The following PCOLCE variants were observed in gnomAD, a reference collection of about 807,000 sequenced individuals.
The protein encoded by PCOLCE is procollagen C-endopeptidase enhancer 1.
PCOLCE carries 33 observed loss-of-function variants against 47.2 expected under a neutral mutation model. The ratio of observed to expected loss-of-function variants is 0.70; its 90% CI spans 0.53 to 0.93. The LOEUF is 0.93. PCOLCE is among the 40% of genes least tolerant of loss of function. The pLI, the probability that PCOLCE is intolerant of heterozygous loss-of-function variation, is 0.00. For missense variants in PCOLCE, 584 were observed against 585.3 expected, an observed-to-expected ratio of 1.00 and a Z score of 0.02; for synonymous variants, 254 against 252.5, an observed-to-expected ratio of 1.01 and a Z score of -0.06.
At position 100,602,381 on chromosome 7, in the gene PCOLCE, G is replaced by A. The variant is rs1213116479; in HGVS notation, c.-76G>A. 3.1e-6 allele frequency: 3 copies of A among 965,334 alleles called. No individual in the cohort carries two copies. The highest frequency in any genetic ancestry group is 2.6e-5 in the South Asian group (2 of 78,134). 59.8% of individuals were successfully genotyped at this position (965,334 alleles called of 1,614,324 possible). ...TGGCGCTGATTATCCTGCTGCTGCC[G>A]CCACCGCTGCTGCTGCTCTGCAAAA... On this transcript the variant is annotated 5_prime_UTR_variant, in exon 1 of 9. Coordinates refer to ENST00000223061, the MANE Select transcript of PCOLCE (RefSeq NM_002593.4).
chr7:100,606,351 G>A (rs1802715193), intron 5 of PCOLCE, 65 bp from the exon 6 acceptor site: 1 of 1,167,720 alleles, frequency 8.6e-7, no homozygotes, highest in Non-Finnish European at 1.3e-6. Flanking sequence ...AAGGTCATGG[G>A]GCTGAGAAGA....
At position 100,604,569 on chromosome 7, in the gene PCOLCE, G is replaced by A; in HGVS notation, c.463+352G>A. 2.4e-6 allele frequency: 1 copy of A among 413,536 alleles called. No individual in the cohort carries two copies. The highest frequency in any genetic ancestry group is 2.1e-5 in the South Asian group (1 of 47,204). The allele number at this position is 413,536 out of a possible 1,614,324, so 25.6% of individuals were successfully genotyped here. On this transcript the variant is annotated intron_variant, in intron 3 of 8. Coordinates refer to ENST00000223061, the MANE Select transcript of PCOLCE (RefSeq NM_002593.4). The surrounding 1 kb of genome is among the most constrained non-coding windows in gnomAD (Gnocchi z 6.4). ...GTCGGGCGCGAGGGGGCACCCCAGG[G>A]CTGGGGGGACTAGGTTCCTCCAACC...
rs924967319 is a variant in PCOLCE, at chr7:100,604,055, T to G, written c.301T>G (p.Ser101Ala). The G allele has an allele frequency of 3.7e-6, 6 of 1,608,442 alleles. No homozygotes were observed. Among genetic ancestry groups the G allele is most frequent in the Non-Finnish European group, 5.1e-6 (6 of 1,179,990 alleles). ...CGATGCTCTGGAGGTCTTCGCTGGG[T>G]CTGGGACTTCCGGCCAGCGGCTCGG... The part of the protein sequence containing the change: ...RYDALEVFAG[S>A]GTSGQRLGRF... The change falls in exon 3 of 9, where the codon TCT becomes GCT. Residue 101 changes from serine (S) to alanine (A), a missense_variant. Transcript: ENST00000223061. The surrounding 1 kb of genome is among the most constrained non-coding windows in gnomAD (Gnocchi z 6.4).
In PCOLCE at chr7:100,604,213, C is replaced by T; in HGVS notation, c.459C>T (p.Gly153=). Residue 153 remains glycine (G), a synonymous_variant, in exon 3 of 9, where the codon GGC becomes GGT. Transcript: ENST00000223061. This position sits in a 1 kb window ranked among gnomAD's most constrained non-coding sequence, Gnocchi z 6.4. The part of the protein sequence containing the change: ...LLWYSGRATS[G]TEHQFCGGRL... Reference sequence around the variant, plus strand: ...GGTACAGCGGGCGGGCCACCTCGGGCACTGGTGAGAACTCCCTCACCTCCG... The same window carrying T: ...GGTACAGCGGGCGGGCCACCTCGGGTACTGGTGAGAACTCCCTCACCTCCG... The T allele has an allele frequency of 1.2e-6, 2 of 1,610,504 alleles. 1 individual carries two copies. The highest frequency in any genetic ancestry group is 4.5e-5 in the East Asian group (2 of 44,862).
chr7:100,603,290 C>A, intron 1 of PCOLCE, 140 bp from the exon 2 acceptor site: 1 of 547,860 alleles, frequency 1.8e-6, no homozygotes, highest in Non-Finnish European at 3.3e-6. Context: ...GGAAGCTGCC[C>A]CAGGTCTCTC....
chr7:100,605,838 C>G lies in PCOLCE; in HGVS notation c.725+26C>G, dbSNP rs550835380. 2 of 1,545,490 alleles carry G rather than the reference C, an allele frequency of 1.3e-6. No homozygotes were observed. Among genetic ancestry groups the G allele is most frequent in the South Asian group, 2.4e-5 (2 of 83,856 alleles). ...GTGAGGGGCGGGACCTGGGCGAGTC[C>G]GGGAGAGAGTCGGCGGACCGCACGC... On this transcript the variant is annotated intron_variant, in intron 5 of 8. Transcript: ENST00000223061. This position sits in a 1 kb window ranked among gnomAD's most constrained non-coding sequence, Gnocchi z 6.1.
chr7:100,603,615 C>A (rs535402947), intron 2 of PCOLCE, 77 bp downstream of exon 2: 10 of 638,072 alleles, frequency 1.6e-5, no homozygotes, highest in African/African-American at 9.5e-5. Context: ...GGACCCCCCC[C>A]CCGTCCCCCC....
In PCOLCE at chr7:100,604,544, G is replaced by A; in HGVS notation, c.463+327G>A. 2.2e-6 allele frequency: 1 copy of A among 448,450 alleles called. No homozygotes were observed. The allele number at this position is 448,450 out of a possible 1,614,324, so 27.8% of individuals were successfully genotyped here. On this transcript the variant is annotated intron_variant, in intron 3 of 8. Transcript: ENST00000223061. The surrounding 1 kb of genome is among the most constrained non-coding windows in gnomAD (Gnocchi z 6.4). Reference sequence around the variant, plus strand: ...CCCCGTCCGCAATCGGGCTCCCTCCGTCGGGCGCGAGGGGGCACCCCAGGG... The same window carrying A: ...CCCCGTCCGCAATCGGGCTCCCTCCATCGGGCGCGAGGGGGCACCCCAGGG...
rs759378880 is a variant in PCOLCE at position 100,606,584 on chromosome 7, C to G, written c.894C>G (p.Pro298=). Residue 298 remains proline, a synonymous_variant, in exon 6 of 9, where the codon CCC becomes CCG. Transcript: ENST00000223061. ...RGTEPKVKLP[P]KSQPPEKTEE... is the part of the protein sequence containing the mutation. ...CTGAGCCTAAAGTCAAGCTGCCCCC[C>G]AAGTCCCAACCTCCGGAGAAAACAG... is the stretch of plus-strand genomic sequence containing the variant. 1 of 1,613,844 alleles carries G rather than the reference C, an allele frequency of 6.2e-7. No homozygotes were observed. Among genetic ancestry groups the G allele is most frequent in the South Asian group, 1.1e-5 (1 of 91,068 alleles).
At chr7:100,603,007 C>A in intron 1 of PCOLCE, 1 of 242,164 alleles carries the variant, frequency 4.1e-6, no homozygotes, top group Non-Finnish European at 7.9e-6. Flanking sequence ...AATCAGAGGG[C>A]CATCGCCACT....
In PCOLCE at chr7:100,603,414, C is replaced by T. The variant is rs192208025; in HGVS notation, c.96-16C>T. The T allele has an allele frequency of 6.7e-7, 1 of 1,492,114 alleles. No individual in the cohort carries two copies. Among genetic ancestry groups the T allele is most frequent in the South Asian group, 1.2e-5 (1 of 86,922 alleles). 92.4% of individuals were successfully genotyped at this position (1,492,114 alleles called of 1,614,324 possible). A position where few individuals can be genotyped will look rare whatever the true frequency, so the allele number is the denominator to read the frequency against. ...ACCCGTCCCTGCTCTTTCCTGACCCCTTTTCTGTTCTCCAGACCCGTGTTC... is the reference window on the plus strand; with the variant it reads ...ACCCGTCCCTGCTCTTTCCTGACCCTTTTTCTGTTCTCCAGACCCGTGTTC... On this transcript the variant is annotated splice_polypyrimidine_tract_variant and intron_variant, in intron 1 of 8. Transcript: ENST00000223061.
chr7:100,604,067 G>C lies in PCOLCE; in HGVS notation c.313G>C (p.Gly105Arg). 2 of 1,609,232 alleles carry C rather than the reference G, an allele frequency of 1.2e-6. No homozygotes were observed. The highest frequency in any genetic ancestry group is 1.7e-6 in the Non-Finnish European group (2 of 1,179,996). Residue 105 changes from glycine to arginine, a missense_variant, in exon 3 of 9, where the codon GGC (glycine) becomes CGC (arginine). Coordinates refer to ENST00000223061, the MANE Select transcript of PCOLCE (RefSeq NM_002593.4). This position sits in a 1 kb window ranked among gnomAD's most constrained non-coding sequence, Gnocchi z 6.4. The stretch of plus-strand genomic sequence containing the variant: ...GGTCTTCGCTGGGTCTGGGACTTCC[G>C]GCCAGCGGCTCGGACGCTTTTGTGG... ...LEVFAGSGTS[G>R]QRLGRFCGTF... is the part of the protein sequence containing the mutation.
At position 100,604,233 on chromosome 7, in the gene PCOLCE, C is replaced by A; in HGVS notation, c.463+16C>A. Reference sequence around the variant, plus strand: ...TCGGGCACTGGTGAGAACTCCCTCACCTCCGCCTTCCCCCCCTCCAGGCCC... The same window carrying A: ...TCGGGCACTGGTGAGAACTCCCTCAACTCCGCCTTCCCCCCCTCCAGGCCC... On this transcript the variant is annotated intron_variant, in intron 3 of 8. Transcript: ENST00000223061. The surrounding 1 kb of genome is among the most constrained non-coding windows in gnomAD (Gnocchi z 6.4). 6.2e-7 allele frequency: 1 copy of A among 1,600,930 alleles called. No individual in the cohort carries two copies.
Position 100,605,878 on chromosome 7 carries a change from A to AG in PCOLCE, c.725+70dup. On this transcript the variant is annotated intron_variant, in intron 5 of 8. Transcript: ENST00000223061. This position sits in a 1 kb window ranked among gnomAD's most constrained non-coding sequence, Gnocchi z 6.1. The stretch of plus-strand genomic sequence containing the variant: ...GGACCGCACGCACGCGGCTGTTTGG[A>AG]GGGGCGGGGTTCAGCTAAAGGGACG... 1 of 1,505,174 alleles carries AG rather than the reference A, an allele frequency of 6.6e-7. No homozygotes were observed. Among genetic ancestry groups the AG allele is most frequent in the Non-Finnish European group, 9.0e-7 (1 of 1,112,768 alleles). The allele number at this position is 1,505,174 out of a possible 1,614,324, so 93.2% of individuals were successfully genotyped here. A position where few individuals can be genotyped will look rare whatever the true frequency, so the allele number is the denominator to read the frequency against.
intron 1 of PCOLCE, chr7:100,602,821 CAA>C (rs1802635445): frequency 3.9e-6 from 2 of 517,552 alleles, no homozygotes; most frequent in Non-Finnish European, 3.4e-6. Flanking sequence ...CCATAGAACC[CAA>C]GAGAGAGCCA....
Position 100,607,439 on chromosome 7 carries a change from T to C in PCOLCE, c.941-13T>C, listed in dbSNP as rs758451259. The C allele has an allele frequency of 1.9e-6, 3 of 1,610,250 alleles. No individual in the cohort carries two copies. The highest frequency in any genetic ancestry group is 2.5e-6 in the Non-Finnish European group (3 of 1,177,128). On this transcript the variant is annotated splice_polypyrimidine_tract_variant and intron_variant, in intron 6 of 8. Coordinates refer to ENST00000223061, the MANE Select transcript of PCOLCE (RefSeq NM_002593.4). ...CTGCTGAGCAGGTCACCCTCCACCCTCCTCCCTCCTAGATGCACCCACCTG... is the reference window on the plus strand; with the variant it reads ...CTGCTGAGCAGGTCACCCTCCACCCCCCTCCCTCCTAGATGCACCCACCTG...
intron 1 of PCOLCE, 75 bp from the exon 2 acceptor site, chr7:100,603,355 C>T: frequency 1.3e-6 from 1 of 749,970 alleles, no homozygotes; most frequent in Non-Finnish European, 2.3e-6. Context: ...ATCCTCATCA[C>T]CTCATCCCCA....
chr7:100,607,661 T>C lies in PCOLCE; in HGVS notation c.1037T>C (p.Met346Thr), dbSNP rs768322304. ...SLVVTATVKS[M>T]VREPGEGLAV... ...GTGGTGACTGCGACAGTGAAGTCCA[T>C]GGTTCGGGAGCCAGGGGAGGGCCTT... Residue 346 changes from methionine to threonine, a missense_variant, in exon 8 of 9, where the codon ATG becomes ACG. Physicochemically the swap from Met to Thr is moderately conservative, Grantham distance 81 (BLOSUM62 -1). Coordinates refer to ENST00000223061, the MANE Select transcript of PCOLCE (RefSeq NM_002593.4). 3.7e-6 allele frequency: 6 copies of C among 1,614,102 alleles called. No individual in the cohort carries two copies. Among genetic ancestry groups the C allele is most frequent in the Admixed American group, 1.7e-5 (1 of 60,006 alleles).
Position 100,607,983 on chromosome 7 carries a change from C to T in PCOLCE, c.1230C>T (p.Pro410=), listed in dbSNP as rs139354390. The T allele has an allele frequency of 1.1e-4, 184 of 1,614,128 alleles. No homozygotes were observed. The highest frequency in any genetic ancestry group is 1.6e-4 in the Middle Eastern group (1 of 6,062). The change falls in exon 9 of 9, where the codon CCC becomes CCT. Residue 410 remains proline, a synonymous_variant. Transcript: ENST00000223061. ...GCCAGGTAGAAGAGAACAGAGGCCC[C>T]GTCCTTCCTCCAGAGAGCTTTGTGG... ...LMGQVEENRG[P]VLPPESFVVL...
Sources: allele counts gnomAD v4.1 joint callset, GRCh38; gene constraint gnomAD v4.1.1; non-coding constraint Gnocchi (gnomAD v3.1); transcripts MANE v1.5; gene names NCBI Gene and HGNC (gene_info 2026-07-23, HGNC 2026-07-21).